Variants in ANPEP observed in about 807,000 individuals in gnomAD.
ANPEP encodes aminopeptidase N.
Under a neutral mutation model 114.6 loss-of-function variants are expected in ANPEP, and 70 were observed. The ratio of observed to expected loss-of-function variants is 0.61; its 90% CI spans 0.50 to 0.75. ANPEP has a LOEUF of 0.75. ANPEP is among the 30% of genes least tolerant of loss of function. The pLI is 0.00. For missense variants in ANPEP, 1,184 were observed against 1,259.5 expected, an observed-to-expected ratio of 0.94 and a Z score of 0.91; for synonymous variants, 548 against 522.3, an observed-to-expected ratio of 1.05 and a Z score of -0.67.
rs577256043 is a variant in ANPEP at position 89,797,027 on chromosome 15, G to A, written c.2157+548C>T. 3.3e-4 allele frequency among the ~76,000 whole-genome samples: 50 copies of A among 152,290 alleles called. 1 individual carries two copies. Among genetic ancestry groups the A allele is most frequent in the African/African-American group, 1.1e-3 (44 of 41,576 alleles). On this transcript the variant is annotated intron_variant, in intron 15 of 20. Transcript: ENST00000300060. ...CGAGTTTCCTTTTGGTCTCCCAAGC[G>A]GGAGCCTCAGCCCTCAAATAGGCCC...
At chr15:89,808,017 C>T (rs1006569507) in intron 1 of ANPEP, among the ~76,000 whole-genome samples, 1 of 152,182 alleles carries the variant, frequency 6.6e-6, no homozygotes, top group African/African-American at 2.4e-5. Flanking sequence ...CTTGAACCTG[C>T]TCAACACAAA....
chr15:89,793,429 A>C (rs116754435), intron 15 of ANPEP, among the ~76,000 whole-genome samples: 3,532 of 152,260 alleles, frequency 0.023, 134 homozygotes, highest in African/African-American at 0.081. Flanking sequence ...TGCTGGGCGC[A>C]GTGGCTCACA....
chr15:89,790,653 C>A, intron 19 of ANPEP, 112 bp from the exon 20 acceptor site: 1 of 976,842 alleles, frequency 1.0e-6, no homozygotes, highest in Admixed American at 2.0e-5. Context: ...ATGACACGCC[C>A]TGGGAGACCC....
Position 89,805,312 on chromosome 15 carries a change from C to T in ANPEP, c.757+9G>A. 6.2e-7 allele frequency: 1 copy of T among 1,613,418 alleles called. No homozygotes were observed. Reference sequence around the variant, plus strand: ...CCTGGCCCTGTGGCCGCAGGCAGGGCCCACTCACCTTTGGGAAGCATGTTG... The same window carrying T: ...CCTGGCCCTGTGGCCGCAGGCAGGGTCCACTCACCTTTGGGAAGCATGTTG... On this transcript the variant is annotated intron_variant, in intron 3 of 20. Transcript: ENST00000300060.
Position 89,785,305 on chromosome 15 carries a change from GT to G in ANPEP, c.*43del, listed in dbSNP as rs1567152172. The G allele has an allele frequency of 1.2e-6, 2 of 1,612,632 alleles. No individual in the cohort carries two copies. Among genetic ancestry groups the G allele is most frequent in the Non-Finnish European group, 1.7e-6 (2 of 1,178,926 alleles). Reference sequence around the variant, plus strand: ...GCACCAGCCGCTGGGATGGACACATGTGGGCACCTTGCATGGGGGCCGGGTG... The same window carrying G: ...GCACCAGCCGCTGGGATGGACACATGGGGCACCTTGCATGGGGGCCGGGTG... On this transcript the variant is annotated 3_prime_UTR_variant, in exon 21 of 21. Transcript: ENST00000300060.
At position 89,806,328 on chromosome 15, in the gene ANPEP, G is replaced by T. The variant is rs1055088958; in HGVS notation, c.256C>A (p.Arg86=). The change falls in exon 2 of 21, where the codon CGG becomes AGG. Residue 86 remains arginine, a synonymous_variant. Coordinates refer to ENST00000300060, the MANE Select transcript of ANPEP (RefSeq NM_001150.3). This position sits in a 1 kb window ranked among gnomAD's most constrained non-coding sequence, Gnocchi z 5.7. ...GTGAGGTACGGTCTCAGCGTCACCC[G>T]GTAGGAATCGGGTTTCAGCGTGTTG... The part of the protein sequence containing the change: ...LPNTLKPDSY[R]VTLRPYLTPN... The T allele has an allele frequency of 1.9e-6, 3 of 1,614,012 alleles. No homozygotes were observed.
rs763941896 is a variant in ANPEP at position 89,803,193 on chromosome 15, T to C, written c.1569+46A>G. Reference sequence around the variant, plus strand: ...GCTGCCCCCAGGTACCTTCAGCATCTCAAGACCCCAACAGGATGGCTGTGG... The same window carrying C: ...GCTGCCCCCAGGTACCTTCAGCATCCCAAGACCCCAACAGGATGGCTGTGG... On this transcript the variant is annotated intron_variant, in intron 10 of 20. Coordinates refer to ENST00000300060, the MANE Select transcript of ANPEP (RefSeq NM_001150.3). This position sits in a 1 kb window ranked among gnomAD's most constrained non-coding sequence, Gnocchi z 4.2. The C allele has an allele frequency of 3.8e-6, 6 of 1,594,626 alleles. No homozygotes were observed. The African/African-American group carries it at 8.1e-5, about 21-fold the overall frequency.
rs1162063396 is a variant in ANPEP, at chr15:89,806,037, C to T, written c.547G>A (p.Glu183Lys). The change falls in exon 2 of 21, where the codon GAG (glutamate) becomes AAG (lysine). Residue 183 changes from glutamate (E) to lysine (K), a missense_variant. Transcript: ENST00000300060. The surrounding 1 kb of genome is among the most constrained non-coding windows in gnomAD (Gnocchi z 5.7). ...GCCAGGTCATCTGCCAACTCCCCCT[C>T]GAACTCGCTGTCCATCTCATACTGG... ...DSQYEMDSEF[E>K]GELADDLAGF... 4.3e-6 allele frequency: 7 copies of T among 1,612,028 alleles called. No individual in the cohort carries two copies. Among genetic ancestry groups the T allele is most frequent in the Non-Finnish European group, 5.9e-6 (7 of 1,178,368 alleles).
intron 19 of ANPEP, 116 bp from the exon 20 acceptor site, chr15:89,790,657 G>C (rs555994765): frequency 3.6e-5 from 34 of 949,986 alleles, no homozygotes; most frequent in Non-Finnish European, 5.6e-5. Context: ...CACGCCCTGG[G>C]AGACCCCACT....
chr15:89,799,269 T>C lies in ANPEP; in HGVS notation c.2000A>G (p.Asn667Ser). ...NRAQIINDAF[N>S]LASAHKVPVT... ...GCAGCGGAGCACTCACCTGGCCAGG[T>C]TGAAGGCGTCATTAATGATCTGTGC... The change falls in exon 14 of 21, where the codon AAC becomes AGC. Residue 667 changes from asparagine (N) to serine (S), a missense_variant. Asn to Ser is a conservative substitution (Grantham distance 46). Transcript: ENST00000300060. This position sits in a 1 kb window ranked among gnomAD's most constrained non-coding sequence, Gnocchi z 4.2. 1 of 1,614,186 alleles carries C rather than the reference T, an allele frequency of 6.2e-7. No homozygotes were observed.
intron 1 of ANPEP, among the ~76,000 whole-genome samples, chr15:89,808,418 T>C (rs1045295115): frequency 6.6e-6 from 1 of 152,250 alleles, no homozygotes; most frequent in Non-Finnish European, 1.5e-5. Flanking sequence ...AGTCCTGGAC[T>C]GCAGGCCCCA....
rs1449687189 is a variant in ANPEP, at chr15:89,793,026, C to T, written c.2249+9G>A. The T allele has an allele frequency of 1.9e-6, 3 of 1,612,350 alleles. No homozygotes were observed. The highest frequency in any genetic ancestry group is 2.5e-6 in the Non-Finnish European group (3 of 1,178,410). On this transcript the variant is annotated intron_variant, in intron 16 of 20. Coordinates refer to ENST00000300060, the MANE Select transcript of ANPEP (RefSeq NM_001150.3). Reference sequence around the variant, plus strand: ...CAGGACTTCCAAACCCATGAGAGCTCCCACTCACTGGTCCATCAGGTTTTC... The same window carrying T: ...CAGGACTTCCAAACCCATGAGAGCTTCCACTCACTGGTCCATCAGGTTTTC...
chr15:89,807,136 T>C (rs1270045907), intron 1 of ANPEP, among the ~76,000 whole-genome samples: 1 of 152,212 alleles, frequency 6.6e-6, no homozygotes, highest in East Asian at 1.9e-4. Context: ...CTCCCTTGCA[T>C]TCTTCAAGAG....
chr15:89,786,224 C>T (rs1389911362), intron 20 of ANPEP, among the ~76,000 whole-genome samples: 1 of 151,924 alleles, frequency 6.6e-6, no homozygotes, highest in African/African-American at 2.4e-5. Context: ...ACTGGAATGC[C>T]AAAAACTACA....
In ANPEP at chr15:89,799,454, A is replaced by C; in HGVS notation, c.1925T>G (p.Ile642Ser). The C allele has an allele frequency of 6.2e-7, 1 of 1,614,052 alleles. No homozygotes were observed. The highest frequency in any genetic ancestry group is 1.1e-5 in the South Asian group (1 of 91,070). The change falls in exon 13 of 21, where the codon ATT becomes AGT. Residue 642 changes from isoleucine (I) to serine (S), a missense_variant. By Grantham distance (142) the Ile-to-Ser change is moderately radical. Transcript: ENST00000300060. This position sits in a 1 kb window ranked among gnomAD's most constrained non-coding sequence, Gnocchi z 4.2. ...VNYDEENWRK[I>S]QTQLQRDHSA... ...GTGGTCTCTCTGCAGCTGAGTCTGA[A>C]TCTTCCTCCAGTTCTCTTCGTCGTA...
chr15:89,801,359 A>G, intron 11 of ANPEP, 76 bp downstream of exon 11: 1 of 1,572,882 alleles, frequency 6.4e-7, no homozygotes, highest in South Asian at 1.2e-5. Flanking sequence ...ACAGGAGGCC[A>G]GTCCTACTAT....
chr15:89,802,970 G>A (rs1391768461), intron 10 of ANPEP, among the ~76,000 whole-genome samples: 2 of 152,086 alleles, frequency 1.3e-5, no homozygotes, highest in Non-Finnish European at 2.9e-5. Flanking sequence ...TCACCACCAG[G>A]AAGGGGCTCT....
chr15:89,797,982 A>G (rs1968762872), intron 14 of ANPEP, among the ~76,000 whole-genome samples: 2 of 152,106 alleles, frequency 1.3e-5, no homozygotes, highest in African/African-American at 2.4e-5. Context: ...TATTATCCCC[A>G]TTTTACAGAT....
intron 1 of ANPEP, among the ~76,000 whole-genome samples, chr15:89,807,914 C>A (rs559669657): frequency 6.6e-6 from 1 of 152,262 alleles, no homozygotes; most frequent in East Asian, 1.9e-4. Context: ...ACCCACATTC[C>A]CCCATCGCAA....
Sources: allele counts gnomAD v4.1 joint callset (sites outside exome capture counted in the v4.1 genomes callset), GRCh38; gene constraint gnomAD v4.1.1; non-coding constraint Gnocchi (gnomAD v3.1); transcripts MANE v1.5; gene names NCBI Gene and HGNC (gene_info 2026-07-23, HGNC 2026-07-21).